TBC1D2B: variants seen among roughly 807,000 people sequenced by gnomAD.
TBC1D2B encodes the protein TBC1 domain family member 2B.
TBC1D2B carries 64 observed loss-of-function variants against 100.8 expected under a neutral mutation model. The observed-to-expected ratio is 0.64, with a 90% CI of 0.52 to 0.78. TBC1D2B has a LOEUF of 0.78. TBC1D2B is among the 30% of genes least tolerant of loss of function. The pLI is 0.00. For synonymous variants in TBC1D2B, 480 were observed against 479.7 expected (o/e 1.00, Z -0.01); for missense variants, 1,052 against 1,218.4 (o/e 0.86, Z 2.03).
At chr15:78,026,307 ATGT>A (rs2072667554) in intron 4 of TBC1D2B, among the ~76,000 whole-genome samples, 1 of 152,172 alleles carries the variant, frequency 6.6e-6, no homozygotes, top group African/African-American at 2.4e-5. Flanking sequence ...GAATGGATTA[ATGT>A]TGTTATCACC....
At chr15:78,054,609 G>A (rs2073382501) in intron 1 of TBC1D2B, among the ~76,000 whole-genome samples, 1 of 152,142 alleles carries the variant, frequency 6.6e-6, no homozygotes, top group South Asian at 2.1e-4. Context: ...GCATCTGAGA[G>A]TATACAAAGA....
chr15:78,015,435 T>C (rs2072346766), intron 8 of TBC1D2B, among the ~76,000 whole-genome samples: 1 of 152,222 alleles, frequency 6.6e-6, no homozygotes, highest in African/African-American at 2.4e-5. Flanking sequence ...TTCACTTATA[T>C]ATAAAATTTG....
intron 1 of TBC1D2B, among the ~76,000 whole-genome samples, chr15:78,057,288 T>C (rs1399647400): frequency 6.6e-6 from 1 of 152,026 alleles, no homozygotes; most frequent in Non-Finnish European, 1.5e-5. Context: ...ATGGGCAAAA[T>C]CTGGTTAACA....
intron 4 of TBC1D2B, among the ~76,000 whole-genome samples, chr15:78,026,133 T>C (rs1324092185): frequency 6.8e-6 from 1 of 147,610 alleles, no homozygotes; most frequent in Admixed American, 7.2e-5. Flanking sequence ...AACACTCAAA[T>C]GTATGTTGGT....
chr15:78,044,044 A>C (rs1596322561), intron 3 of TBC1D2B, among the ~76,000 whole-genome samples: 2 of 147,170 alleles, frequency 1.4e-5, no homozygotes, highest in African/African-American at 2.5e-5. Context: ...AAAAAAACCC[A>C]CCAAAAAACA....
intron 3 of TBC1D2B, among the ~76,000 whole-genome samples, chr15:78,036,329 G>A (rs1443283200): frequency 2.0e-5 from 3 of 152,220 alleles, no homozygotes; most frequent in African/African-American, 7.2e-5. Flanking sequence ...TCAGGTGGCA[G>A]GCCTGCAAGC....
rs929144480 is a variant in TBC1D2B, at chr15:77,995,317, G to A, written c.*2843C>T. 3 of 152,250 alleles carry A rather than the reference G, an allele frequency of 2.0e-5. No homozygotes were observed. The highest frequency in any genetic ancestry group is 6.5e-5 in the Admixed American group (1 of 15,282). The allele number at this position is 152,250 out of a possible 1,614,324, so 9.4% of individuals were successfully genotyped here. On this transcript the variant is annotated 3_prime_UTR_variant, in exon 13 of 13. Coordinates refer to ENST00000300584, the MANE Select transcript of TBC1D2B (RefSeq NM_144572.2). ...CCGAGGATCTGTCTAGAATACTTCC[G>A]ATATCAATATACCGTAGTTGAAACC...
At chr15:78,013,402 C>T in intron 8 of TBC1D2B, 85 bp from the exon 9 acceptor site, 1 of 1,274,260 alleles carries the variant, frequency 7.8e-7, no homozygotes, top group Non-Finnish European at 1.1e-6. Context: ...AGTCTAGAAA[C>T]CAAATCAGGC....
chr15:78,003,836 T>C (rs953836113), intron 10 of TBC1D2B, among the ~76,000 whole-genome samples: 2 of 152,122 alleles, frequency 1.3e-5, no homozygotes, highest in Non-Finnish European at 1.5e-5. Context: ...AATCCACAAG[T>C]AAATACGTGA....
At chr15:78,040,859 A>AAGGAAGG (rs1567026197) in intron 3 of TBC1D2B, among the ~76,000 whole-genome samples, 1 of 121,418 alleles carries the variant, frequency 8.2e-6, no homozygotes, top group African/African-American at 3.1e-5. Flanking sequence ...AGAAAGGAAG[A>AAGGAAGG]AAGAAAGAAA....
intron 9 of TBC1D2B, among the ~76,000 whole-genome samples, chr15:78,010,264 C>T (rs972992792): frequency 6.6e-6 from 1 of 152,118 alleles, no homozygotes; most frequent in African/African-American, 2.4e-5. Context: ...ATAACGGAAA[C>T]TGGGGTCAGC....
At chr15:78,065,214 T>C (rs188460768) in intron 1 of TBC1D2B, among the ~76,000 whole-genome samples, 8 of 152,240 alleles carry the variant, frequency 5.3e-5, no homozygotes, top group Non-Finnish European at 1.2e-4. Context: ...TAAACCCATA[T>C]TCAGCAAATA....
chr15:78,001,130 C>T (rs1463165396), intron 12 of TBC1D2B, among the ~76,000 whole-genome samples: 1 of 152,222 alleles, frequency 6.6e-6, no homozygotes, highest in Non-Finnish European at 1.5e-5. Context: ...CACAGCTCTG[C>T]GCCACCACTC....
chr15:78,023,648 C>G (rs573839890), intron 6 of TBC1D2B, among the ~76,000 whole-genome samples: 1 of 152,352 alleles, frequency 6.6e-6, no homozygotes, highest in South Asian at 2.1e-4. Context: ...ACCCTCCCAT[C>G]TTGGGTGCTG....
At chr15:78,044,582 T>C (rs977243806) in intron 3 of TBC1D2B, among the ~76,000 whole-genome samples, 2 of 152,220 alleles carry the variant, frequency 1.3e-5, no homozygotes, top group African/African-American at 4.8e-5. Context: ...CTCTGCAGCC[T>C]GGAAGAATTG....
intron 2 of TBC1D2B, among the ~76,000 whole-genome samples, chr15:78,048,509 G>T (rs568603932): frequency 6.6e-6 from 1 of 152,266 alleles, no homozygotes; most frequent in Non-Finnish European, 1.5e-5. Context: ...GCTTCAGTGG[G>T]GAAAGAAAGT....
intron 1 of TBC1D2B, among the ~76,000 whole-genome samples, chr15:78,070,878 A>G (rs558911309): frequency 6.6e-6 from 1 of 152,296 alleles, no homozygotes; most frequent in Non-Finnish European, 1.5e-5. Flanking sequence ...GCTGGAGTGC[A>G]ATGGCGCCAC....
chr15:78,001,478 T>C lies in TBC1D2B; in HGVS notation c.2696+141A>G, dbSNP rs542474218. The C allele has an allele frequency of 1.1e-5, 12 of 1,062,712 alleles. No individual in the cohort carries two copies. In the African/African-American group the frequency reaches 1.8e-4, roughly 16 times the overall value. 65.8% of individuals were successfully genotyped at this position (1,062,712 alleles called of 1,614,324 possible). On this transcript the variant is annotated intron_variant, in intron 12 of 12. Transcript: ENST00000300584. ...GGGGCTCACACCCCTTGCTCTCTTT[T>C]CCCTGGAAAGCAATGCCCTCTCCAA...
chr15:78,056,650 G>A (rs1227996529), intron 1 of TBC1D2B, among the ~76,000 whole-genome samples: 1 of 148,124 alleles, frequency 6.8e-6, no homozygotes. Flanking sequence ...CACAACCAGA[G>A]CCAAATTCAG....
Sources: allele counts gnomAD v4.1 joint callset (sites outside exome capture counted in the v4.1 genomes callset), GRCh38; gene constraint gnomAD v4.1.1; transcripts MANE v1.5; gene names NCBI Gene and HGNC (gene_info 2026-07-23, HGNC 2026-07-21).